Variants in PDE1A observed in about 807,000 individuals in gnomAD.
PDE1A encodes dual specificity calcium/calmodulin-dependent 3',5'-cyclic nucleotide phosphodiesterase 1A.
PDE1A carries 35 observed loss-of-function variants against 61.7 expected under a neutral mutation model. That is an observed-to-expected ratio of 0.57 (90% CI 0.43 to 0.75). The LOEUF is 0.75. PDE1A is among the 30% of genes least tolerant of loss of function. The pLI is 0.00. For missense variants in PDE1A, 597 were observed against 630.6 expected (o/e 0.95, Z 0.57); for synonymous variants, 232 against 213.2 (o/e 1.09, Z -0.77).
the PDE1A span, among the ~76,000 whole-genome samples, chr2:182,614,629 C>T: frequency 6.8e-6 from 1 of 147,574 alleles, no homozygotes; most frequent in Non-Finnish European, 1.5e-5. Flanking sequence ...GCAATCTCAG[C>T]TCACTGCAGC....
At chr2:182,497,780 C>T (rs912023800) in intron 2 of PDE1A, among the ~76,000 whole-genome samples, 22 of 152,138 alleles carry the variant, frequency 1.4e-4, no homozygotes, top group African/African-American at 4.8e-4. Flanking sequence ...CGGTGGCTCA[C>T]GCCTGTAATC....
the PDE1A span, among the ~76,000 whole-genome samples, chr2:182,701,004 T>C: frequency 1.4e-5 from 2 of 143,344 alleles, no homozygotes; most frequent in Non-Finnish European, 3.0e-5. Context: ...ACATGAATAT[T>C]CTGTTTACTT....
At chr2:182,408,079 G>A (rs1204373403) in intron 1 of PDE1A, among the ~76,000 whole-genome samples, 3 of 151,836 alleles carry the variant, frequency 2.0e-5, no homozygotes, top group Non-Finnish European at 4.4e-5. Context: ...AAGGAGACCA[G>A]GGAGATCTTA....
the PDE1A span, among the ~76,000 whole-genome samples, chr2:182,599,999 T>C: frequency 6.6e-6 from 1 of 152,208 alleles, no homozygotes; most frequent in Non-Finnish European, 1.5e-5. Flanking sequence ...TGAAGCCTGG[T>C]CTAGGAGCAC....
At chr2:182,578,625 A>C in the PDE1A span, among the ~76,000 whole-genome samples, 17 of 152,238 alleles carry the variant, frequency 1.1e-4, no homozygotes, top group Non-Finnish European at 2.1e-4. Flanking sequence ...ATGGTTGAAT[A>C]AGTACATTTA....
chr2:182,216,003 T>A (rs1688148314), intron 7 of PDE1A, among the ~76,000 whole-genome samples: 1 of 92,006 alleles, frequency 1.1e-5, no homozygotes, highest in African/African-American at 4.4e-5. Context: ...TGAACATTGA[T>A]GCAAAAATCC....
chr2:182,518,004 C>G (rs10174383), intron 2 of PDE1A, among the ~76,000 whole-genome samples: 51,332 of 151,936 alleles, frequency 0.34, 9,918 homozygotes, highest in East Asian at 0.59. Flanking sequence ...TTTGGGTGAC[C>G]CTAGGTCTGA....
intron 13 of PDE1A, among the ~76,000 whole-genome samples, chr2:182,155,030 T>G (rs961446716): frequency 6.6e-6 from 1 of 151,722 alleles, no homozygotes; most frequent in East Asian, 1.9e-4. Context: ...TTGTTCTCTT[T>G]TTTTTTTAAT....
chr2:182,664,534 A>T, the PDE1A span, among the ~76,000 whole-genome samples: 1 of 152,188 alleles, frequency 6.6e-6, no homozygotes, highest in Non-Finnish European at 1.5e-5. Context: ...TTGTTATGGG[A>T]TGAATACAAA....
At chr2:182,212,345 T>C (rs950009957) in intron 7 of PDE1A, among the ~76,000 whole-genome samples, 1 of 152,162 alleles carries the variant, frequency 6.6e-6, no homozygotes, top group Non-Finnish European at 1.5e-5. Flanking sequence ...CAATTTACCA[T>C]TTTTTGAGGT....
the PDE1A span, among the ~76,000 whole-genome samples, chr2:182,654,285 T>A: frequency 6.6e-6 from 1 of 152,344 alleles, no homozygotes; most frequent in East Asian, 1.9e-4. Context: ...CCAAAATTCA[T>A]GTTGTTGTTG....
intron 2 of PDE1A, 58 bp from the exon 3 acceptor site, chr2:182,240,350 C>A: frequency 9.0e-7 from 1 of 1,107,708 alleles, no homozygotes; most frequent in Non-Finnish European, 1.2e-6. Flanking sequence ...AAACATATAA[C>A]AGAAAAACAA....
At chr2:182,448,332 A>ATT (rs11442872) in intron 2 of PDE1A, among the ~76,000 whole-genome samples, 26 of 151,124 alleles carry the variant, frequency 1.7e-4, no homozygotes, top group East Asian at 3.9e-4. Flanking sequence ...TATCATTTAG[A>ATT]TTTTTTTTTG....
chr2:182,466,936 C>G (rs963646037), intron 2 of PDE1A, among the ~76,000 whole-genome samples: 1 of 152,036 alleles, frequency 6.6e-6, no homozygotes, highest in Non-Finnish European at 1.5e-5. Flanking sequence ...AAAATCAACT[C>G]TGCTCTTCCC....
chr2:182,520,323 C>T (rs373365883), intron 2 of PDE1A, among the ~76,000 whole-genome samples: 159 of 151,952 alleles, frequency 1.0e-3, no homozygotes, highest in African/African-American at 3.7e-3. Context: ...AGTGATAGTA[C>T]CAAAATGCAA....
chr2:182,644,931 A>T, the PDE1A span, among the ~76,000 whole-genome samples: 1 of 152,136 alleles, frequency 6.6e-6, no homozygotes, highest in African/African-American at 2.4e-5. Flanking sequence ...AAGTATAGTA[A>T]TTTAAAATGA....
chr2:182,202,992 G>C (rs1379647706), intron 8 of PDE1A, among the ~76,000 whole-genome samples: 2 of 152,184 alleles, frequency 1.3e-5, no homozygotes, highest in African/African-American at 4.8e-5. Context: ...ACTTAAAGAT[G>C]ATATAATCTA....
At chr2:182,666,743 C>G in the PDE1A span, among the ~76,000 whole-genome samples, 1 of 152,140 alleles carries the variant, frequency 6.6e-6, no homozygotes, top group Non-Finnish European at 1.5e-5. Flanking sequence ...GAAGAAATTA[C>G]CAGCTAACTT....
the PDE1A span, among the ~76,000 whole-genome samples, chr2:182,714,527 C>G: frequency 2.0e-5 from 3 of 152,056 alleles, no homozygotes; most frequent in African/African-American, 7.2e-5. Flanking sequence ...AAACTTAAAT[C>G]TTTCCTTTAT....
Sources: allele counts gnomAD v4.1 joint callset (sites outside exome capture counted in the v4.1 genomes callset), GRCh38; gene constraint gnomAD v4.1.1; transcripts MANE v1.5; gene names NCBI Gene and HGNC (gene_info 2026-07-23, HGNC 2026-07-21).